CSMD2: variants seen among roughly 807,000 people sequenced by gnomAD.
The protein encoded by CSMD2 is CUB and Sushi multiple domains 2.
In CSMD2, 130 loss-of-function variants were observed where a neutral mutation model predicts 398.5. The ratio of observed to expected loss-of-function variants is 0.33; its 90% confidence interval spans 0.28 to 0.38. CSMD2 has a LOEUF of 0.38. Ranked by LOEUF, CSMD2 falls within the 10% of genes least tolerant of loss-of-function variation. CSMD2 has a pLI of 1.00. For synonymous variants in CSMD2, 1,828 were observed against 1,908.5 expected (o/e 0.96, Z 1.10); for missense variants, 3,829 against 4,764.9 (o/e 0.80, Z 5.78).
At chr1:34,149,672 G>A (rs1230840504) in intron 1 of CSMD2, among the ~76,000 whole-genome samples, 1 of 152,222 alleles carries the variant, frequency 6.6e-6, no homozygotes, top group African/African-American at 2.4e-5. Context: ...GAATGCTAAT[G>A]CGTGCCTTTG....
chr1:33,653,128 C>A (rs939775396), intron 27 of CSMD2, among the ~76,000 whole-genome samples: 1 of 152,154 alleles, frequency 6.6e-6, no homozygotes, highest in African/African-American at 2.4e-5. Context: ...ACTCATCTAG[C>A]CTCTCTAGCC....
chr1:33,909,771 T>C (rs1185871068), intron 5 of CSMD2, among the ~76,000 whole-genome samples: 2 of 152,172 alleles, frequency 1.3e-5, no homozygotes, highest in African/African-American at 2.4e-5. Context: ...TAGCTGTTGA[T>C]TTTATCTGAC....
intron 3 of CSMD2, among the ~76,000 whole-genome samples, chr1:33,942,433 AAT>A (rs1481243203): frequency 6.6e-6 from 1 of 152,224 alleles, no homozygotes; most frequent in African/African-American, 2.4e-5. Context: ...CTGTCAATCA[AAT>A]AGAGGCAGAG....
intron 4 of CSMD2, among the ~76,000 whole-genome samples, chr1:33,932,921 G>A (rs1291434227): frequency 6.6e-6 from 1 of 152,186 alleles, no homozygotes; most frequent in Non-Finnish European, 1.5e-5. Context: ...GGTGCAGGCA[G>A]CACCAAGGTG....
intron 9 of CSMD2, among the ~76,000 whole-genome samples, chr1:33,812,514 T>TA (rs1656976779): frequency 6.6e-6 from 1 of 152,256 alleles, no homozygotes; most frequent in African/African-American, 2.4e-5. Context: ...GAGAAACACT[T>TA]AGATTCCTAG....
At chr1:33,632,195 G>A (rs1389033498) in intron 32 of CSMD2, among the ~76,000 whole-genome samples, 6 of 151,946 alleles carry the variant, frequency 3.9e-5, no homozygotes, top group Admixed American at 3.9e-4. Flanking sequence ...AAACTAAGAA[G>A]TGAAAGAAAA....
At chr1:33,830,303 T>C (rs1659378831) in intron 6 of CSMD2, among the ~76,000 whole-genome samples, 2 of 152,158 alleles carry the variant, frequency 1.3e-5, no homozygotes, top group South Asian at 4.2e-4. Context: ...GGTACTCCTC[T>C]GAGACAAAAC....
At chr1:33,854,815 CAT>C (rs1236047713) in intron 5 of CSMD2, among the ~76,000 whole-genome samples, 1 of 152,190 alleles carries the variant, frequency 6.6e-6, no homozygotes, top group African/African-American at 2.4e-5. Flanking sequence ...CTGGAGGACA[CAT>C]GTCTGAGGCT....
At chr1:33,578,780 G>A (rs149388979) in intron 48 of CSMD2, among the ~76,000 whole-genome samples, 27 of 152,284 alleles carry the variant, frequency 1.8e-4, no homozygotes, top group South Asian at 6.2e-4. Context: ...GGCAGGATGC[G>A]CGTGTGGGGC....
chr1:33,987,033 G>A (rs1242106966), intron 3 of CSMD2, among the ~76,000 whole-genome samples: 2 of 152,044 alleles, frequency 1.3e-5, no homozygotes, highest in Non-Finnish European at 2.9e-5. Context: ...GCAGGGATGG[G>A]GGCTTAGCCA....
intron 3 of CSMD2, among the ~76,000 whole-genome samples, chr1:33,964,923 C>G (rs547232184): frequency 1.1e-4 from 17 of 152,342 alleles, no homozygotes; most frequent in African/African-American, 3.8e-4. Flanking sequence ...ACCTCTCTAG[C>G]AAGACTATAG....
intron 5 of CSMD2, among the ~76,000 whole-genome samples, chr1:33,885,875 TC>T (rs758709549): frequency 7.9e-5 from 12 of 152,146 alleles, no homozygotes; most frequent in Non-Finnish European, 1.3e-4. Flanking sequence ...CTCTATTACT[TC>T]CTAGCTGAGC....
rs563921212 is a variant in CSMD2, at chr1:33,518,912, T to A, written c.*53+553A>T. Among the ~76,000 whole-genome samples the A allele has an allele frequency of 3.3e-5, 5 of 152,322 alleles. No individual in the cohort carries two copies. The South Asian group carries it at 1.0e-3, about 32-fold the overall frequency. ...ATATAGATGGATAGGTATGGATATA[T>A]CTTGATATGGGGTATATGTATTGCG... On this transcript the variant is annotated intron_variant, in intron 70 of 70. Coordinates refer to ENST00000373381, the MANE Select transcript of CSMD2 (RefSeq NM_001281956.2). The surrounding 1 kb of genome is among the most constrained non-coding windows in gnomAD (Gnocchi z 4.3).
chr1:33,592,533 A>G (rs769170895), intron 44 of CSMD2: 80 of 717,246 alleles, frequency 1.1e-4, no homozygotes, highest in South Asian at 7.7e-4. Context: ...CACAGGCACC[A>G]CAAAGTGATT....
At chr1:33,553,102 G>C (rs1358661039) in intron 55 of CSMD2, among the ~76,000 whole-genome samples, 2 of 152,122 alleles carry the variant, frequency 1.3e-5, no homozygotes, top group African/African-American at 4.8e-5. Context: ...AAGGAAGCTG[G>C]TTATAAGTTA....
At chr1:33,591,649 T>G (rs966958234) in intron 44 of CSMD2, among the ~76,000 whole-genome samples, 3 of 152,244 alleles carry the variant, frequency 2.0e-5, no homozygotes, top group Non-Finnish European at 2.9e-5. Context: ...TAGAGACAGG[T>G]TCTCATTCTG....
At chr1:33,962,490 A>G (rs1326935294) in intron 3 of CSMD2, among the ~76,000 whole-genome samples, 2 of 152,162 alleles carry the variant, frequency 1.3e-5, no homozygotes, top group Admixed American at 6.5e-5. Context: ...GATTCACTTG[A>G]CAAACATCTG....
chr1:33,800,931 C>T (rs1655529595), intron 10 of CSMD2, among the ~76,000 whole-genome samples: 1 of 152,128 alleles, frequency 6.6e-6, no homozygotes, highest in Non-Finnish European at 1.5e-5. Flanking sequence ...CAGGGCCTGG[C>T]ACAGAGAGGG....
Position 33,779,842 on chromosome 1 carries a change from T to C in CSMD2, c.1664-7091A>G, listed in dbSNP as rs1372280. Among the ~76,000 whole-genome samples the C allele has an allele frequency of 5.9e-5, 9 of 152,330 alleles. No individual in the cohort carries two copies. In the East Asian group the frequency reaches 1.5e-3, roughly 26 times the overall value. On this transcript the variant is annotated intron_variant, in intron 12 of 70. Coordinates refer to ENST00000373381, the MANE Select transcript of CSMD2 (RefSeq NM_001281956.2). Reference sequence around the variant, plus strand: ...GAGCCAATGTTTTTTGAAATGTCTATATCCCAGCTTTTCTAGTGAAGTGCA... The same window carrying C: ...GAGCCAATGTTTTTTGAAATGTCTACATCCCAGCTTTTCTAGTGAAGTGCA...
Sources: gnomAD v4.1 joint callset for allele counts (sites outside exome capture counted in the v4.1 genomes callset) on GRCh38, gnomAD v4.1.1 for gene constraint, Gnocchi (gnomAD v3.1) non-coding constraint, MANE v1.5 for transcripts, NCBI Gene and HGNC (gene_info 2026-07-23, HGNC 2026-07-21) for gene names.